The following ARID2 variants were observed in gnomAD, a reference collection of about 807,000 sequenced individuals.
The protein encoded by ARID2 is AT-rich interactive domain-containing protein 2.
ARID2 carries 32 observed loss-of-function variants against 184.6 expected under a neutral mutation model. That is an observed-to-expected ratio of 0.17 (90% CI 0.13 to 0.23). ARID2 has a LOEUF of 0.23. Among genes scored for constraint, ARID2 ranks in the 10% least tolerant of loss-of-function variants. ARID2 has a pLI of 1.00. For missense variants in ARID2, 1,696 were observed against 2,197.6 expected (o/e 0.77, Z 4.56); for synonymous variants, 836 against 772.6 (o/e 1.08, Z -1.36).
Position 45,851,830 on chromosome 12 carries a change from C to A in ARID2, c.3707C>A (p.Pro1236Gln), listed in dbSNP as rs1394005285. ...TCATCATGTACTACTGCTACTCCCC[C>A]ATTCAAAGGTGATAAAATAATTTGC... ...GQSSCTTATP[P>Q]FKGDKIICQK... The change falls in exon 15 of 21, where the codon CCA becomes CAA. Residue 1236 changes from proline (P) to glutamine (Q), a missense_variant. Pro to Gln is a moderately conservative substitution (Grantham distance 76, BLOSUM62 -1). Transcript: ENST00000334344. 1 of 1,614,136 alleles carries A rather than the reference C, an allele frequency of 6.2e-7. No homozygotes were observed. The highest frequency in any genetic ancestry group is 8.5e-7 in the Non-Finnish European group (1 of 1,180,018).
chr12:45,875,297 G>A (rs1943992904), intron 16 of ARID2, among the ~76,000 whole-genome samples: 1 of 152,104 alleles, frequency 6.6e-6, no homozygotes, highest in South Asian at 2.1e-4. Flanking sequence ...TCATCAGAGT[G>A]GTAAGTTTCA....
At chr12:45,822,125 A>T (rs958896738) in intron 6 of ARID2, among the ~76,000 whole-genome samples, 1 of 152,152 alleles carries the variant, frequency 6.6e-6, no homozygotes, top group Admixed American at 6.6e-5. Context: ...AAAACTCATG[A>T]GATACATTCA....
chr12:45,859,597 G>A (rs1457689880), intron 15 of ARID2, among the ~76,000 whole-genome samples: 1 of 151,892 alleles, frequency 6.6e-6, no homozygotes, highest in Non-Finnish European at 1.5e-5. Context: ...TCCCTTTGTG[G>A]TATTTCAAGA....
At chr12:45,771,926 A>G (rs890610676) in intron 3 of ARID2, among the ~76,000 whole-genome samples, 2 of 152,170 alleles carry the variant, frequency 1.3e-5, no homozygotes. Flanking sequence ...ATGTAAAGTA[A>G]TAACTATAAC....
chr12:45,784,625 C>A (rs1047507279), intron 3 of ARID2, among the ~76,000 whole-genome samples: 2 of 152,122 alleles, frequency 1.3e-5, no homozygotes, highest in African/African-American at 4.8e-5. Context: ...GATCGTGCTA[C>A]TGCACTCCAG....
chr12:45,748,734 C>T (rs1363231341), intron 3 of ARID2, among the ~76,000 whole-genome samples: 1 of 152,086 alleles, frequency 6.6e-6, no homozygotes, highest in African/African-American at 2.4e-5. Flanking sequence ...GTTCTAAATC[C>T]TTTGTTGTCA....
At chr12:45,903,558 A>G (rs12424959) in intron 20 of ARID2, among the ~76,000 whole-genome samples, 15 of 152,192 alleles carry the variant, frequency 9.9e-5, no homozygotes, top group Non-Finnish European at 1.8e-4. Context: ...TATGGAAACT[A>G]CATAAAACTG....
At chr12:45,830,258 T>A (rs1168145389) in intron 6 of ARID2, among the ~76,000 whole-genome samples, 1 of 152,082 alleles carries the variant, frequency 6.6e-6, no homozygotes, top group Non-Finnish European at 1.5e-5. Flanking sequence ...TTGTACAGAT[T>A]GGATTGAAAG....
intron 11 of ARID2, 129 bp downstream of exon 11, chr12:45,839,625 A>T (rs1370816694): frequency 9.7e-6 from 10 of 1,029,152 alleles, no homozygotes; most frequent in Non-Finnish European, 1.4e-5. Flanking sequence ...TGGAATTTGG[A>T]TATGTACTCT....
chr12:45,852,072 A>C lies in ARID2; in HGVS notation c.3949A>C (p.Asn1317His). 6.2e-7 allele frequency: 1 copy of C among 1,614,136 alleles called. No individual in the cohort carries two copies. Among genetic ancestry groups the C allele is most frequent in the Non-Finnish European group, 8.5e-7 (1 of 1,179,996 alleles). ...SNSGKIQSET[N>H]QCSLISNGPS... ...CTCAGGGAAAATTCAAAGTGAGACT[A>C]ATCAGTGCTCACTAATCAGTAATGG... The change falls in exon 15 of 21, where the codon AAT becomes CAT. Residue 1317 changes from asparagine (N) to histidine (H), a missense_variant. Physicochemically the swap from Asn to His is moderately conservative, Grantham distance 68. This residue lies in a region of ARID2 where 428 missense variants were observed against 409.1 expected (regional missense o/e 1.05). Coordinates refer to ENST00000334344, the MANE Select transcript of ARID2 (RefSeq NM_152641.4).
At chr12:45,858,894 A>G (rs1565627803) in intron 15 of ARID2, among the ~76,000 whole-genome samples, 2 of 152,238 alleles carry the variant, frequency 1.3e-5, no homozygotes, top group South Asian at 2.1e-4. Flanking sequence ...GGAACCTATT[A>G]TAGAAATGTC....
rs34217888 is a variant in ARID2, at chr12:45,846,989, G to GA, written c.1580+59dup. The GA allele has an allele frequency of 1.6e-4, 237 of 1,507,646 alleles. 4 individuals carry two copies. In the East Asian group the frequency reaches 5.3e-3, roughly 34 times the overall value. The allele number at this position is 1,507,646 out of a possible 1,614,324, so 93.4% of individuals were successfully genotyped here. On this transcript the variant is annotated intron_variant, in intron 12 of 20. Coordinates refer to ENST00000334344, the MANE Select transcript of ARID2 (RefSeq NM_152641.4). ...TTATCCTTGGGAGGAGTAAAGCAAA[G>GA]AAAAAAAGGAAATGTATTCTACAGA...
rs1273655395 is a variant in ARID2, at chr12:45,821,347, CTAT to C, written c.638-67_638-65del. 83 of 920,174 alleles carry C rather than the reference CTAT, an allele frequency of 9.0e-5. No homozygotes were observed. The African/African-American group carries it at 1.1e-3, about 12-fold the overall frequency. The allele number at this position is 920,174 out of a possible 1,614,324, so 57.0% of individuals were successfully genotyped here. A position where few individuals can be genotyped will look rare whatever the true frequency, so the allele number is the denominator to read the frequency against. On this transcript the variant is annotated intron_variant, in intron 5 of 20. Transcript: ENST00000334344. ...ATGTAGTTTTGTTGTTTTTCCAAGC[CTAT>C]TATTAAATAATTAATTGAAAGAATT...
At chr12:45,800,610 G>C (rs1942479831) in intron 3 of ARID2, among the ~76,000 whole-genome samples, 1 of 151,268 alleles carries the variant, frequency 6.6e-6, no homozygotes, top group Admixed American at 6.6e-5. Context: ...AGCACACCTA[G>C]TGTCCAGATA....
intron 12 of ARID2, among the ~76,000 whole-genome samples, chr12:45,848,105 T>G (rs531228551): frequency 6.7e-6 from 1 of 149,372 alleles, no homozygotes; most frequent in East Asian, 1.9e-4. Context: ...CATTTTACAG[T>G]TTTTTTTTTA....
intron 16 of ARID2, among the ~76,000 whole-genome samples, chr12:45,890,576 A>G (rs910993137): frequency 6.6e-6 from 1 of 152,226 alleles, no homozygotes; most frequent in Non-Finnish European, 1.5e-5. Flanking sequence ...ACGAAATTCT[A>G]AAACAAAATG....
chr12:45,809,914 A>T (rs1027720612), intron 3 of ARID2, among the ~76,000 whole-genome samples: 1 of 152,122 alleles, frequency 6.6e-6, no homozygotes, highest in Non-Finnish European at 1.5e-5. Flanking sequence ...TTGAAATTTA[A>T]GGTTTGGTAC....
chr12:45,829,093 G>A (rs1652122584), intron 6 of ARID2, among the ~76,000 whole-genome samples: 1 of 152,006 alleles, frequency 6.6e-6, no homozygotes, highest in Non-Finnish European at 1.5e-5. Context: ...TATAAGCCAG[G>A]AGTAAAGATT....
At chr12:45,775,277 A>T (rs1941954629) in intron 3 of ARID2, among the ~76,000 whole-genome samples, 1 of 152,210 alleles carries the variant, frequency 6.6e-6, no homozygotes, top group Non-Finnish European at 1.5e-5. Context: ...CATCTCAGAG[A>T]AAACCTAGAA....
Sources: allele counts gnomAD v4.1 joint callset (sites outside exome capture counted in the v4.1 genomes callset), GRCh38; gene constraint gnomAD v4.1.1; regional missense constraint gnomAD v4.1.1; transcripts MANE v1.5; gene names NCBI Gene and HGNC (gene_info 2026-07-23, HGNC 2026-07-21).